Variants in SLCO1B1 observed in about 807,000 individuals in gnomAD.
SLCO1B1 encodes the protein solute carrier organic anion transporter family member 1B1.
SLCO1B1 carries 81 observed loss-of-function variants against 70.1 expected under a neutral mutation model. The ratio of observed to expected loss-of-function variants is 1.16; its 90% CI spans 0.97 to 1.39. SLCO1B1 has a LOEUF of 1.39. SLCO1B1 is among the 40% of genes most tolerant of loss of function. SLCO1B1 has a pLI of 0.00. For synonymous variants in SLCO1B1, 283 were observed against 271.5 expected (o/e 1.04, Z -0.42); for missense variants, 895 against 799.6 (o/e 1.12, Z -1.44).
chr12:21,162,275 T>C (rs374641998), intron 2 of SLCO1B1, among the ~76,000 whole-genome samples: 10 of 152,210 alleles, frequency 6.6e-5, no homozygotes, highest in East Asian at 5.8e-4. Context: ...TTCAATTTAA[T>C]TGACTATATT....
chr12:21,202,578 C>A lies in SLCO1B1; in HGVS notation c.1223C>A (p.Ala408Asp). Residue 408 changes from alanine to aspartate, a missense_variant, in exon 10 of 15, where the codon GCC becomes GAC. By Grantham distance (126) the Ala-to-Asp change is moderately radical. Coordinates refer to ENST00000256958, the MANE Select transcript of SLCO1B1 (RefSeq NM_006446.5). The stretch of plus-strand genomic sequence containing the variant: ...TTCAAACTGAACACCGTTGGAATTG[C>A]CAAATTCTCATGTTTTACTGCTGTG... Reference protein sequence around the residue: ...KKFKLNTVGIAKFSCFTAVMS... With the variant: ...KKFKLNTVGIDKFSCFTAVMS... 5 of 1,612,110 alleles carry A rather than the reference C, an allele frequency of 3.1e-6. No individual in the cohort carries two copies. In the South Asian group the frequency reaches 4.4e-5, roughly 14 times the overall value.
chr12:21,160,106 TAAAAA>T (rs56102570), intron 2 of SLCO1B1, among the ~76,000 whole-genome samples: 4 of 111,996 alleles, frequency 3.6e-5, no homozygotes, highest in South Asian at 6.5e-4. Context: ...TTCACAGAAC[TAAAAA>T]AAAAAAAAAA....
intron 1 of SLCO1B1, among the ~76,000 whole-genome samples, chr12:21,138,605 G>C (rs1231539679): frequency 1.3e-5 from 2 of 152,106 alleles, no homozygotes; most frequent in African/African-American, 4.8e-5. Context: ...TGAAGATCTA[G>C]GAGAGAGATG....
chr12:21,191,132 T>C (rs1396210152), intron 7 of SLCO1B1, among the ~76,000 whole-genome samples: 1 of 152,092 alleles, frequency 6.6e-6, no homozygotes, highest in Non-Finnish European at 1.5e-5. Context: ...TCCTTCTTGG[T>C]TCCATATGTA....
chr12:21,230,968 C>T (rs1179626019), intron 14 of SLCO1B1, among the ~76,000 whole-genome samples: 1 of 114,050 alleles, frequency 8.8e-6, no homozygotes, highest in Non-Finnish European at 1.7e-5. Context: ...GCTATCCCTC[C>T]CCCCTCCCCC....
chr12:21,156,793 A>C (rs1448482776), intron 2 of SLCO1B1, among the ~76,000 whole-genome samples: 1 of 152,208 alleles, frequency 6.6e-6, no homozygotes, highest in African/African-American at 2.4e-5. Context: ...TTCATATTTT[A>C]AGTTCATCTG....
intron 12 of SLCO1B1, among the ~76,000 whole-genome samples, chr12:21,221,677 A>T (rs900001840): frequency 2.0e-5 from 3 of 152,216 alleles, no homozygotes; most frequent in African/African-American, 4.8e-5. Flanking sequence ...ATCACTAATC[A>T]TCAGAGAAAT....
At chr12:21,208,893 T>C (rs1941244967) in intron 11 of SLCO1B1, among the ~76,000 whole-genome samples, 1 of 152,040 alleles carries the variant, frequency 6.6e-6, no homozygotes, top group Non-Finnish European at 1.5e-5. Flanking sequence ...TTATTCTAAA[T>C]GGAATTGCAT....
chr12:21,166,142 A>G (rs1196796675), intron 2 of SLCO1B1, among the ~76,000 whole-genome samples: 1 of 152,168 alleles, frequency 6.6e-6, no homozygotes, highest in Non-Finnish European at 1.5e-5. Context: ...TTGAAAAAAA[A>G]GTGGCCGAGA....
Position 21,239,057 on chromosome 12 carries a change from GA to G in SLCO1B1, c.1950del (p.Lys650AsnfsTer21). On this transcript the variant is annotated frameshift_variant, in exon 15 of 15. Transcript: ENST00000256958. LOFTEE classifies it low-confidence loss of function (END_TRUNC). ...LYIILIYAMK[K>X]KYQEKDINAS... Reference sequence around the variant, plus strand: ...ATATTATATTAATTTATGCCATGAAGAAAAAATATCAAGAGAAAGATATCAA... The same window carrying G: ...ATATTATATTAATTTATGCCATGAAGAAAAATATCAAGAGAAAGATATCAA... 6.3e-7 allele frequency: 1 copy of G among 1,595,954 alleles called. No individual in the cohort carries two copies. The highest frequency in any genetic ancestry group is 8.6e-7 in the Non-Finnish European group (1 of 1,164,830).
At chr12:21,158,429 C>T (rs1381472372) in intron 2 of SLCO1B1, among the ~76,000 whole-genome samples, 1 of 152,144 alleles carries the variant, frequency 6.6e-6, no homozygotes, top group Admixed American at 6.5e-5. Flanking sequence ...AGGTGCGTGG[C>T]TCATGCCTGT....
At chr12:21,135,409 G>T (rs1940203242) in intron 1 of SLCO1B1, among the ~76,000 whole-genome samples, 1 of 152,086 alleles carries the variant, frequency 6.6e-6, no homozygotes, top group African/African-American at 2.4e-5. Context: ...CTGTCTCATT[G>T]ATCTGTCTAA....
At chr12:21,135,356 G>A (rs1270244284) in intron 1 of SLCO1B1, among the ~76,000 whole-genome samples, 2 of 152,132 alleles carry the variant, frequency 1.3e-5, no homozygotes, top group South Asian at 4.1e-4. Context: ...AGGTCCGCTT[G>A]GTGCAGAGCT....
At chr12:21,181,593 C>T (rs1207495751) in intron 7 of SLCO1B1, among the ~76,000 whole-genome samples, 3 of 152,120 alleles carry the variant, frequency 2.0e-5, no homozygotes, top group Admixed American at 6.5e-5. Context: ...ACCATTTAAT[C>T]GTGCCACAAA....
At position 21,192,373 on chromosome 12, in the gene SLCO1B1, A is replaced by G. The variant is rs528073848; in HGVS notation, c.728-4573A>G. ...TTTTTTCTTTCTTATCTAATTTTTG[A>G]TGTATAATTTCTCATAGTAATCTCT... On this transcript the variant is annotated intron_variant, in intron 7 of 14. Transcript: ENST00000256958. 3.3e-5 allele frequency among the ~76,000 whole-genome samples: 5 copies of G among 151,498 alleles called. No individual in the cohort carries two copies. In the East Asian group the frequency reaches 9.7e-4, roughly 29 times the overall value.
intron 1 of SLCO1B1, among the ~76,000 whole-genome samples, chr12:21,135,711 T>G (rs1940210760): frequency 6.6e-6 from 1 of 152,188 alleles, no homozygotes; most frequent in Non-Finnish European, 1.5e-5. Flanking sequence ...ATCCCTTTAT[T>G]TTGAGCCTAT....
Position 21,156,988 on chromosome 12 carries a change from T to G in SLCO1B1, c.84+15330T>G, listed in dbSNP as rs536528098. The stretch of plus-strand genomic sequence containing the variant: ...TCTTCCAAATATGATACATGTACAA[T>G]GCAATGATATTCACAAACATCTTCA... On this transcript the variant is annotated intron_variant, in intron 2 of 14. Coordinates refer to ENST00000256958, the MANE Select transcript of SLCO1B1 (RefSeq NM_006446.5). Among the ~76,000 whole-genome samples the G allele has an allele frequency of 2.0e-5, 3 of 152,292 alleles. No homozygotes were observed. In the South Asian group the frequency reaches 6.2e-4, roughly 32 times the overall value.
chr12:21,132,607 C>T (rs542815004), intron 1 of SLCO1B1, among the ~76,000 whole-genome samples: 9 of 152,122 alleles, frequency 5.9e-5, no homozygotes, highest in South Asian at 2.1e-4. Flanking sequence ...CATTTTTTCA[C>T]GTGTTTTTTG....
rs1204870981 is a variant in SLCO1B1 at position 21,197,101 on chromosome 12, T to C, written c.883T>C (p.Ser295Pro). 2 of 1,613,750 alleles carry C rather than the reference T, an allele frequency of 1.2e-6. No homozygotes were observed. The change falls in exon 8 of 15, where the codon TCT becomes CCT. Residue 295 changes from serine to proline, a missense_variant. By Grantham distance (74) the Ser-to-Pro change is moderately conservative (BLOSUM62 -1). Coordinates refer to ENST00000256958, the MANE Select transcript of SLCO1B1 (RefSeq NM_006446.5). ...ACAAAAAGAAAGAAAAGCTTCACTG[T>C]CTTTGCATGTGCTGGAAACAAATGA... is the stretch of plus-strand genomic sequence containing the variant. The part of the protein sequence containing the change: ...KPQKERKASL[S>P]LHVLETNDEK...
Sources: allele counts gnomAD v4.1 joint callset (sites outside exome capture counted in the v4.1 genomes callset), GRCh38; gene constraint gnomAD v4.1.1; transcripts MANE v1.5; gene names NCBI Gene and HGNC (gene_info 2026-07-23, HGNC 2026-07-21).